The following PCID2 variants were observed in gnomAD, a reference collection of about 807,000 sequenced individuals.
PCID2 encodes PCI domain containing 2.
Under a neutral mutation model 61.3 loss-of-function variants are expected in PCID2, and 41 were observed. That is an observed-to-expected ratio of 0.67 (90% CI 0.52 to 0.87). The LOEUF (loss-of-function observed/expected upper bound fraction) is 0.87, where lower values mean the gene tolerates loss of function less well. Ranked by LOEUF, PCID2 falls within the 40% of genes least tolerant of loss-of-function variation. The probability of loss-of-function intolerance (pLI) is 0.00; values close to 1 mark genes in which losing one functional copy is unlikely to be tolerated. For synonymous variants in PCID2, 187 were observed against 177.8 expected, an observed-to-expected ratio of 1.05 and a Z score of -0.41; for missense variants, 392 against 493.4, an observed-to-expected ratio of 0.79 and a Z score of 1.95.
In PCID2 at chr13:113,178,076, G is replaced by A; in HGVS notation, c.*122C>T. 1.7e-6 allele frequency: 1 copy of A among 602,920 alleles called. No homozygotes were observed. Among genetic ancestry groups the A allele is most frequent in the East Asian group, 3.0e-5 (1 of 33,466 alleles). 37.3% of individuals were successfully genotyped at this position (602,920 alleles called of 1,614,324 possible). ...GAAAATCTCAGCCTCAGCATCCCTG[G>A]GAAAAGCGCCTCCAAGAGTTCCGGC... On this transcript the variant is annotated 3_prime_UTR_variant, in exon 14 of 14. Transcript: ENST00000337344.
intron 6 of PCID2, among the ~76,000 whole-genome samples, chr13:113,193,848 T>C (rs1280342127): frequency 6.6e-6 from 1 of 152,240 alleles, no homozygotes; most frequent in African/African-American, 2.4e-5. Context: ...TTAAAACTCT[T>C]GTCACATAAT....
At chr13:113,173,153 G>A (rs1385539451), downstream of PCID2, among the ~76,000 whole-genome samples, 1 of 152,170 alleles carries the variant, frequency 6.6e-6, no homozygotes. Context: ...CCAGATCTGT[G>A]AGAAATGAGT....
Position 113,185,375 on chromosome 13 carries a change from G to C in PCID2, c.543+110C>G. On this transcript the variant is annotated intron_variant, in intron 8 of 13. Transcript: ENST00000337344. ...CTATTAGGACTAGGAATACGGTTAT[G>C]ATCATTTCACAAGCAACGCCAGGGA... 3.8e-6 allele frequency: 3 copies of C among 783,146 alleles called. No homozygotes were observed. In the South Asian group the frequency reaches 4.4e-5, roughly 11 times the overall value. The allele number at this position is 783,146 out of a possible 1,614,324, so 48.5% of individuals were successfully genotyped here.
At chr13:113,172,245 C>T in the PCID2 span, 71 of 1,204,384 alleles carry the variant, frequency 5.9e-5, no homozygotes, top group Non-Finnish European at 8.1e-5. Flanking sequence ...GCCCACGCAG[C>T]AGCAGAGCCG....
rs1476274632 is a variant in PCID2, at chr13:113,190,990, G to C, written c.364-15C>G. 1 of 1,574,648 alleles carries C rather than the reference G, an allele frequency of 6.4e-7. No individual in the cohort carries two copies. The highest frequency in any genetic ancestry group is 8.7e-7 in the Non-Finnish European group (1 of 1,145,750). On this transcript the variant is annotated splice_polypyrimidine_tract_variant and intron_variant, in intron 6 of 13. Transcript: ENST00000337344. Reference sequence around the variant, plus strand: ...TGTTGATCTGCCTAATAAAATATAAGAACTTTTATTTCATTTTTCCGAAGC... The same window carrying C: ...TGTTGATCTGCCTAATAAAATATAACAACTTTTATTTCATTTTTCCGAAGC...
At chr13:113,198,012 T>TTTTTTTA (rs368133720) in intron 3 of PCID2, among the ~76,000 whole-genome samples, 179 bp downstream of exon 3, 2,601 of 152,328 alleles carry the variant, frequency 0.017, 69 homozygotes, top group African/African-American at 0.058. Context: ...AAAATAGTAT[T>TTTTTTTA]ATATAACTGA....
In PCID2 at chr13:113,208,598, C is replaced by T. The variant is rs1468701387; in HGVS notation, c.36+1G>A. 3.1e-6 allele frequency: 5 copies of T among 1,606,510 alleles called. No individual in the cohort carries two copies. Among genetic ancestry groups the T allele is most frequent in the East Asian group, 2.3e-5 (1 of 44,388 alleles). On this transcript the variant is annotated splice_donor_variant, in intron 1 of 13. Coordinates refer to ENST00000337344, the MANE Select transcript of PCID2 (RefSeq NM_001127202.4). LOFTEE classifies it high-confidence loss of function. ...CCGCGCGCTCCCCGGCTAGGACCCA[C>T]CTGCTGCAGGTACTGGTTAATGGTA...
At chr13:113,206,265 T>C (rs2039804496) in intron 1 of PCID2, among the ~76,000 whole-genome samples, 2 of 152,244 alleles carry the variant, frequency 1.3e-5, no homozygotes, top group Non-Finnish European at 2.9e-5. Flanking sequence ...TAACTTGTCA[T>C]GGTCCCAGAA....
chr13:113,196,983 T>C, intron 4 of PCID2, 195 bp downstream of exon 4: 6 of 1,415,574 alleles, frequency 4.2e-6, no homozygotes, highest in South Asian at 1.1e-5. Flanking sequence ...TACTAAGTAC[T>C]GCACGAGTCT....
At chr13:113,187,907 A>C (rs1250345798) in intron 7 of PCID2, 4 of 152,208 alleles carry the variant, frequency 2.6e-5, no homozygotes, top group Non-Finnish European at 4.4e-5. Context: ...GCCACTGCCT[A>C]ATCAAAGGTC....
At chr13:113,191,647 C>T (rs1425160282) in intron 6 of PCID2, among the ~76,000 whole-genome samples, 3 of 152,176 alleles carry the variant, frequency 2.0e-5, no homozygotes, top group African/African-American at 2.4e-5. Flanking sequence ...ACTTTTCCCT[C>T]GCATTTGGGA....
rs954422264 is a variant in PCID2 at position 113,206,635 on chromosome 13, C to T, written c.36+1964G>A. Reference sequence around the variant, plus strand: ...TCAAACATGTGTTACCATGTATAACCGGTTGCCATTCTGTATCGAAGAGGC... The same window carrying T: ...TCAAACATGTGTTACCATGTATAACTGGTTGCCATTCTGTATCGAAGAGGC... On this transcript the variant is annotated intron_variant, in intron 1 of 13. Coordinates refer to ENST00000337344, the MANE Select transcript of PCID2 (RefSeq NM_001127202.4). Among the ~76,000 whole-genome samples, 9 of 152,340 alleles carry T rather than the reference C, an allele frequency of 5.9e-5. No homozygotes were observed. The East Asian group carries it at 1.3e-3, about 23-fold the overall frequency.
rs773899060 is a variant in PCID2, at chr13:113,208,643, C to T, written c.-9G>A. On this transcript the variant is annotated 5_prime_UTR_variant, in exon 1 of 14. Transcript: ENST00000337344. ...ATGGTAATGTGCGCCATGGGAGCGC[C>T]GCCGAACGGAGAGCGCCACCCCCTA... 65 of 1,605,692 alleles carry T rather than the reference C, an allele frequency of 4.0e-5. 1 individual carries two copies. Among genetic ancestry groups the T allele is most frequent in the Non-Finnish European group, 5.5e-5 (65 of 1,176,906 alleles).
At chr13:113,171,296 C>T in the PCID2 span, among the ~76,000 whole-genome samples, 1 of 152,194 alleles carries the variant, frequency 6.6e-6, no homozygotes, top group Non-Finnish European at 1.5e-5. This position sits in a 1 kb window ranked among gnomAD's most constrained non-coding sequence, Gnocchi z 5.1. Context: ...GGCCTGGAGA[C>T]GTTCCACATC....
the PCID2 span, among the ~76,000 whole-genome samples, chr13:113,166,604 G>C: frequency 1.3e-5 from 2 of 152,246 alleles, no homozygotes; most frequent in South Asian, 2.1e-4. Flanking sequence ...AAACCGAAGG[G>C]AGGCAAAGCA....
chr13:113,175,107 T>A (rs2037167159), downstream of PCID2, among the ~76,000 whole-genome samples: 1 of 152,192 alleles, frequency 6.6e-6, no homozygotes, highest in South Asian at 2.1e-4. Context: ...GCCATGATTG[T>A]AAGTTTCCTG....
intron 6 of PCID2, among the ~76,000 whole-genome samples, chr13:113,192,345 T>C (rs2038689057): frequency 6.6e-6 from 1 of 152,238 alleles, no homozygotes; most frequent in Non-Finnish European, 1.5e-5. Context: ...TTCTTTGTGA[T>C]GAAATGAGAA....
At chr13:113,171,188 G>A in the PCID2 span, among the ~76,000 whole-genome samples, 2 of 152,284 alleles carry the variant, frequency 1.3e-5, no homozygotes, top group African/African-American at 4.8e-5. This position sits in a 1 kb window ranked among gnomAD's most constrained non-coding sequence, Gnocchi z 5.1. Context: ...CTCCCGAAGC[G>A]CTGGGATTAC....
intron 9 of PCID2, 139 bp from the exon 10 acceptor site, chr13:113,181,369 G>A: frequency 1.7e-6 from 1 of 579,470 alleles, no homozygotes; most frequent in South Asian, 2.2e-5. Context: ...TATCATCCCA[G>A]TTTCATTTCT....
Sources: allele counts gnomAD v4.1 joint callset (sites outside exome capture counted in the v4.1 genomes callset), GRCh38; gene constraint gnomAD v4.1.1; non-coding constraint Gnocchi (gnomAD v3.1); transcripts MANE v1.5; gene names NCBI Gene and HGNC (gene_info 2026-07-23, HGNC 2026-07-21).